LRIT1: variants seen among roughly 807,000 people sequenced by gnomAD.
The protein encoded by LRIT1 is leucine rich repeat, Ig-like and transmembrane domains 1.
LRIT1 carries 23 observed loss-of-function variants against 24.0 expected under a neutral mutation model. That is an observed-to-expected ratio of 0.96 (90% CI 0.69 to 1.36). LRIT1 has a LOEUF of 1.36. Ranked by LOEUF, LRIT1 falls within the 40% of genes most tolerant of loss-of-function variation. LRIT1 has a pLI of 0.00. For missense variants in LRIT1, 846 were observed against 806.3 expected, an observed-to-expected ratio of 1.05 and a Z score of -0.60; for synonymous variants, 361 against 340.5, an observed-to-expected ratio of 1.06 and a Z score of -0.66.
At chr10:84,233,407 ATCC>A (rs1842620456) in intron 3 of LRIT1, among the ~76,000 whole-genome samples, 1 of 152,060 alleles carries the variant, frequency 6.6e-6, no homozygotes, top group Non-Finnish European at 1.5e-5. Flanking sequence ...GACTCCAGCA[ATCC>A]TCCTGCCTCA....
At position 84,237,355 on chromosome 10, in the gene LRIT1, G is replaced by C; in HGVS notation, c.454C>G (p.Arg152Gly). ...AGGAAGGTGAGGTTCTCCAGGAAGC[G>C]CGCGGCCTCAGCGGGCACAGCCGAG... Reference protein sequence around the residue: ...RLSAVPAEAARFLENLTFLDL... With the variant: ...RLSAVPAEAAGFLENLTFLDL... Residue 152 changes from arginine (R) to glycine (G), a missense_variant, in exon 2 of 4, where the codon CGC becomes GGC. By Grantham distance (125) the Arg-to-Gly change is moderately radical. Coordinates refer to ENST00000372105, the MANE Select transcript of LRIT1 (RefSeq NM_015613.3). 3 of 1,550,360 alleles carry C rather than the reference G, an allele frequency of 1.9e-6. No homozygotes were observed. Among genetic ancestry groups the C allele is most frequent in the Non-Finnish European group, 2.6e-6 (3 of 1,146,946 alleles).
Position 84,234,388 on chromosome 10 carries a change from T to TA in LRIT1, c.590-11dup, listed in dbSNP as rs2132863608. 2 of 1,506,790 alleles carry TA rather than the reference T, an allele frequency of 1.3e-6. No individual in the cohort carries two copies. The highest frequency in any genetic ancestry group is 1.8e-6 in the Non-Finnish European group (2 of 1,126,654). 93.3% of individuals were successfully genotyped at this position (1,506,790 alleles called of 1,614,324 possible). A position where few individuals can be genotyped will look rare whatever the true frequency, so the allele number is the denominator to read the frequency against. On this transcript the variant is annotated splice_polypyrimidine_tract_variant and intron_variant, in intron 2 of 3. Transcript: ENST00000372105. ...GGGTTGTCCTGTAGCCCTGCAGGAG[T>TA]AAAAAAGAAGACAAGATATTCAGAT...
chr10:84,237,771 A>G, intron 1 of LRIT1, 85 bp from the exon 2 acceptor site: 1 of 1,067,366 alleles, frequency 9.4e-7, no homozygotes, highest in Non-Finnish European at 1.3e-6. Flanking sequence ...CGAGGCCTCC[A>G]GTTCTGCCTG....
Position 84,234,202 on chromosome 10 carries a change from G to A in LRIT1, c.766C>T (p.Leu256Phe), listed in dbSNP as rs772534359. 6 of 1,614,038 alleles carry A rather than the reference G, an allele frequency of 3.7e-6. No individual in the cohort carries two copies. The highest frequency in any genetic ancestry group is 5.1e-6 in the Non-Finnish European group (6 of 1,180,024). The change falls in exon 3 of 4, where the codon CTC (leucine) becomes TTC (phenylalanine). Residue 256 changes from leucine (L) to phenylalanine (F), a missense_variant. Coordinates refer to ENST00000372105, the MANE Select transcript of LRIT1 (RefSeq NM_015613.3). ...CTGATGCTGGCCACTCCTGGATGGA[G>A]CTCTGGGCCCTGGCACTTCCTCAGT... ...LELRKCQGPE[L>F]HPGVASIRSL...
intron 2 of LRIT1, 49 bp downstream of exon 2, chr10:84,237,171 A>T: frequency 7.6e-7 from 1 of 1,323,816 alleles, no homozygotes; most frequent in Non-Finnish European, 1.0e-6. Context: ...AAACTCAGGG[A>T]AGCGTGGTAA....
rs140466315 is a variant in LRIT1 at position 84,232,549 on chromosome 10, T to C, written c.1250A>G (p.Glu417Gly). 172 of 1,613,992 alleles carry C rather than the reference T, an allele frequency of 1.1e-4. No homozygotes were observed. Among genetic ancestry groups the C allele is most frequent in the Non-Finnish European group, 1.3e-4 (157 of 1,180,028 alleles). The stretch of plus-strand genomic sequence containing the variant: ...GGGTCCTGCCCGCCCATCAGAGAGC[T>C]CTCCCAGGGCATCCATCTGGAAGTG... ...LEHFQMDALG[E>G]LSDGRAGPSE... Residue 417 changes from glutamate (E) to glycine (G), a missense_variant, in exon 4 of 4, where the codon GAG (glutamate) becomes GGG (glycine). Physicochemically the swap from Glu to Gly is moderately conservative, Grantham distance 98 (BLOSUM62 -2). Transcript: ENST00000372105.
chr10:84,239,537 G>A (rs1042894772), intron 1 of LRIT1, among the ~76,000 whole-genome samples: 1 of 152,196 alleles, frequency 6.6e-6, no homozygotes, highest in Non-Finnish European at 1.5e-5. Context: ...TCTTGAACGG[G>A]AGAGAAAACG....
At chr10:84,241,184 T>G in intron 1 of LRIT1, 134 bp downstream of exon 1, 1 of 1,332,732 alleles carries the variant, frequency 7.5e-7, no homozygotes, top group Non-Finnish European at 1.0e-6. Flanking sequence ...GTCCACCCCA[T>G]AGGATCCCTG....
intron 1 of LRIT1, among the ~76,000 whole-genome samples, chr10:84,240,642 G>A (rs1203422907): frequency 6.6e-6 from 1 of 152,188 alleles, no homozygotes; most frequent in Non-Finnish European, 1.5e-5. Context: ...AAGGAGAGGA[G>A]GAGAGAATGG....
chr10:84,239,264 C>T (rs996031584), intron 1 of LRIT1, among the ~76,000 whole-genome samples: 7 of 152,212 alleles, frequency 4.6e-5, no homozygotes, highest in Non-Finnish European at 7.3e-5. Flanking sequence ...AGAGCATTTA[C>T]AGCAATGATA....
At chr10:84,235,230 G>A (rs1051055328) in intron 2 of LRIT1, among the ~76,000 whole-genome samples, 1 of 152,016 alleles carries the variant, frequency 6.6e-6, no homozygotes, top group African/African-American at 2.4e-5. Flanking sequence ...CACAGGGTTG[G>A]GGTGGGTGCA....
At position 84,232,793 on chromosome 10, in the gene LRIT1, C is replaced by T; in HGVS notation, c.1006G>A (p.Ala336Thr). 6.2e-7 allele frequency: 1 copy of T among 1,613,846 alleles called. No homozygotes were observed. The highest frequency in any genetic ancestry group is 8.5e-7 in the Non-Finnish European group (1 of 1,180,042). ...ATCAAGGAGATAACAGTTTCAGAGG[C>T]TCCCAGGAAGTTCTTGGCTTGGCAG... Reference protein sequence around the residue: ...YICQAKNFLGASETVISLIVT... With the variant: ...YICQAKNFLGTSETVISLIVT... Residue 336 changes from alanine to threonine, a missense_variant, in exon 4 of 4, where the codon GCC (alanine) becomes ACC (threonine). Coordinates refer to ENST00000372105, the MANE Select transcript of LRIT1 (RefSeq NM_015613.3).
At chr10:84,238,311 CCCCACTGCACT>C (rs1842668988) in intron 1 of LRIT1, among the ~76,000 whole-genome samples, 1 of 151,814 alleles carries the variant, frequency 6.6e-6, no homozygotes, top group African/African-American at 2.4e-5. Flanking sequence ...GCCGAGATCA[CCCCACTGCACT>C]CCAGCCTGGG....
At chr10:84,238,248 G>A (rs996490450) in intron 1 of LRIT1, among the ~76,000 whole-genome samples, 4 of 151,842 alleles carry the variant, frequency 2.6e-5, no homozygotes, top group African/African-American at 7.3e-5. Context: ...CCAGCTACTC[G>A]GGAGGCTGAG....
At position 84,232,903 on chromosome 10, in the gene LRIT1, A is replaced by G; in HGVS notation, c.896T>C (p.Val299Ala). ...GCCGTCACTGGAGACTTCCTGGTGC[A>G]CTAGGAGGAAAACAGGCATGTGTGG... The part of the protein sequence containing the change: ...RANGRPLNGT[V>A]HQEVSSDGTS... The change falls in exon 4 of 4, where the codon GTG becomes GCG. Residue 299 changes from valine (V) to alanine (A), a missense_variant and splice_region_variant. Physicochemically the swap from Val to Ala is moderately conservative, Grantham distance 64 (BLOSUM62 0). Coordinates refer to ENST00000372105, the MANE Select transcript of LRIT1 (RefSeq NM_015613.3). 6.2e-7 allele frequency: 1 copy of G among 1,608,594 alleles called. No homozygotes were observed. The highest frequency in any genetic ancestry group is 8.5e-7 in the Non-Finnish European group (1 of 1,179,180).
chr10:84,231,797 C>CTGT lies in LRIT1; in HGVS notation c.*127_*129dup, dbSNP rs1204967870. On this transcript the variant is annotated 3_prime_UTR_variant, in exon 4 of 4. Coordinates refer to ENST00000372105, the MANE Select transcript of LRIT1 (RefSeq NM_015613.3). ...GTTGTTGCAGTAGCAGCTGCTGCTGCTGTTGTTGTGTGTAAGTATCTGAGT... is the reference window on the plus strand; with the variant it reads ...GTTGTTGCAGTAGCAGCTGCTGCTGCTGTTGTTGTTGTGTGTAAGTATCTGAGT... 1 of 964,660 alleles carries CTGT rather than the reference C, an allele frequency of 1.0e-6. No individual in the cohort carries two copies. Among genetic ancestry groups the CTGT allele is most frequent in the Non-Finnish European group, 1.5e-6 (1 of 664,272 alleles). 59.8% of individuals were successfully genotyped at this position (964,660 alleles called of 1,614,324 possible). A position where few individuals can be genotyped will look rare whatever the true frequency, so the allele number is the denominator to read the frequency against.
intron 2 of LRIT1, among the ~76,000 whole-genome samples, chr10:84,236,884 C>T (rs1842651157): frequency 1.3e-5 from 2 of 152,166 alleles, no homozygotes; most frequent in South Asian, 4.1e-4. Context: ...ATCTGGTTCA[C>T]ATGGTAAGCT....
rs1842628709 is a variant in LRIT1 at position 84,234,213 on chromosome 10, T to C, written c.755A>G (p.Gln252Arg). The C allele has an allele frequency of 6.2e-7, 1 of 1,614,026 alleles. No individual in the cohort carries two copies. The highest frequency in any genetic ancestry group is 8.5e-7 in the Non-Finnish European group (1 of 1,180,002). Residue 252 changes from glutamine (Q) to arginine (R), a missense_variant, in exon 3 of 4, where the codon CAG (glutamine) becomes CGG (arginine). By Grantham distance (43) the Gln-to-Arg change is conservative. Transcript: ENST00000372105. ...CACTCCTGGATGGAGCTCTGGGCCC[T>C]GGCACTTCCTCAGTTCAAGCTGGCT... ...AFSQLELRKC[Q>R]GPELHPGVAS... is the part of the protein sequence containing the mutation.
chr10:84,232,079 G>A lies in LRIT1; in HGVS notation c.1720C>T (p.Leu574=), dbSNP rs1302690390. Residue 574 remains leucine (L), a synonymous_variant, in exon 4 of 4, where the codon CTA becomes TTA. Coordinates refer to ENST00000372105, the MANE Select transcript of LRIT1 (RefSeq NM_015613.3). ...TCCTCGCTGTAGCCCAGTCTCTCTA[G>A]GTTGACGTAGGTAACTGTGGCCTCA... is the stretch of plus-strand genomic sequence containing the variant. ...STEATVTYVN[L]ERLGYSEDGL... 6.2e-7 allele frequency: 1 copy of A among 1,614,060 alleles called. No homozygotes were observed. Among genetic ancestry groups the A allele is most frequent in the Non-Finnish European group, 8.5e-7 (1 of 1,180,040 alleles).
Sources: gnomAD v4.1 joint callset for allele counts (sites outside exome capture counted in the v4.1 genomes callset) on GRCh38, gnomAD v4.1.1 for gene constraint, MANE v1.5 for transcripts, NCBI Gene and HGNC (gene_info 2026-07-23, HGNC 2026-07-21) for gene names.